Variants in SYT7 observed in about 807,000 individuals in gnomAD.
SYT7 encodes synaptotagmin-7.
Under a neutral mutation model 75.1 loss-of-function variants are expected in SYT7, and 29 were observed. The ratio of observed to expected loss-of-function variants is 0.39; its 90% CI spans 0.29 to 0.53. The LOEUF is 0.53. Ranked by LOEUF, SYT7 falls within the 20% of genes least tolerant of loss-of-function variation. The pLI, the probability that SYT7 is intolerant of heterozygous loss-of-function variation, is 0.77. For missense variants in SYT7, 693 were observed against 953.2 expected, an observed-to-expected ratio of 0.73 and a Z score of 3.59; for synonymous variants, 376 against 401.7, an observed-to-expected ratio of 0.94 and a Z score of 0.76.
In SYT7 at chr11:61,556,221, G is replaced by A. The variant is rs369652880; in HGVS notation, c.32-14C>T. ...GCGAGGGCGCCCCTGGGGAGGACAGGTACAGGTCACACCCTCATTGGCCAG... is the reference window on the plus strand; with the variant it reads ...GCGAGGGCGCCCCTGGGGAGGACAGATACAGGTCACACCCTCATTGGCCAG... On this transcript the variant is annotated splice_polypyrimidine_tract_variant and intron_variant, in intron 1 of 12. Transcript: ENST00000539008. 13 of 1,607,750 alleles carry A rather than the reference G, an allele frequency of 8.1e-6. No individual in the cohort carries two copies. The highest frequency in any genetic ancestry group is 5.0e-5 in the Admixed American group (3 of 59,472).
intron 6 of SYT7, chr11:61,541,373 G>A (rs1457996790): frequency 3.3e-6 from 3 of 911,720 alleles, no homozygotes; most frequent in Non-Finnish European, 3.9e-6. Flanking sequence ...CTTAGGCTCT[G>A]AGAGTGGGGG....
intron 1 of SYT7, among the ~76,000 whole-genome samples, chr11:61,566,526 G>A (rs117145549): frequency 3.3e-3 from 496 of 152,290 alleles, no homozygotes; most frequent in Middle Eastern, 6.8e-3. Context: ...AGTTAGCTCG[G>A]AACCTGACAC....
upstream of SYT7, among the ~76,000 whole-genome samples, chr11:61,584,256 G>A (rs190253970): frequency 5.9e-5 from 9 of 151,906 alleles, no homozygotes; most frequent in African/African-American, 1.4e-4. Context: ...TTAGCCGGGC[G>A]TGGTGGCATG....
chr11:61,517,271 A>AG lies in SYT7; in HGVS notation c.*1355dup. On this transcript the variant is annotated 3_prime_UTR_variant, in exon 13 of 13. Transcript: ENST00000539008. The stretch of plus-strand genomic sequence containing the variant: ...CCGTCTCCAAGGGGAAGCCAGTTTT[A>AG]GTCTCATCAGTGGCCGAGGCAGAGA... The AG allele has an allele frequency of 5.0e-6, 2 of 398,710 alleles. No individual in the cohort carries two copies. Among genetic ancestry groups the AG allele is most frequent in the Non-Finnish European group, 8.8e-6 (2 of 226,096 alleles). The allele number at this position is 398,710 out of a possible 1,614,324, so 24.7% of individuals were successfully genotyped here.
chr11:61,545,656 T>G (rs1044908192), intron 5 of SYT7, among the ~76,000 whole-genome samples: 1 of 152,022 alleles, frequency 6.6e-6, no homozygotes, highest in Admixed American at 6.5e-5. Context: ...CAGGATGAGA[T>G]GGAACAACCA....
At chr11:61,534,977 T>G (rs995824103) in intron 7 of SYT7, among the ~76,000 whole-genome samples, 5 of 152,178 alleles carry the variant, frequency 3.3e-5, no homozygotes, top group African/African-American at 4.8e-5. Flanking sequence ...TGAGATTGAC[T>G]GCTGAAGATA....
intron 9 of SYT7, among the ~76,000 whole-genome samples, chr11:61,525,382 T>C (rs2062482794): frequency 6.6e-6 from 1 of 152,256 alleles, no homozygotes; most frequent in Admixed American, 6.5e-5. Context: ...GCTTGGCTTG[T>C]GACCTCTCTT....
At chr11:61,525,311 A>C (rs774740087) in intron 9 of SYT7, among the ~76,000 whole-genome samples, 11 of 152,174 alleles carry the variant, frequency 7.2e-5, no homozygotes, top group Non-Finnish European at 1.5e-4. Context: ...TTAGAATAAA[A>C]GCCGGGCACC....
chr11:61,522,151 G>T (rs1157843461), intron 12 of SYT7, among the ~76,000 whole-genome samples: 1 of 149,390 alleles, frequency 6.7e-6, no homozygotes, highest in Non-Finnish European at 1.5e-5. Flanking sequence ...TCAAGGTCAG[G>T]TATGAATTTT....
intron 7 of SYT7, among the ~76,000 whole-genome samples, chr11:61,536,194 C>A (rs1008397113): frequency 4.6e-5 from 7 of 152,170 alleles, no homozygotes; most frequent in Admixed American, 2.0e-4. Context: ...GGGCACGCGG[C>A]CTCCACCCCC....
At chr11:61,550,438 A>G (rs1387329938) in intron 3 of SYT7, among the ~76,000 whole-genome samples, 1 of 149,376 alleles carries the variant, frequency 6.7e-6, no homozygotes, top group Non-Finnish European at 1.5e-5. Context: ...GGCAGGGGCC[A>G]GAGGGCAGGG....
Position 61,523,241 on chromosome 11 carries a change from T to A in SYT7, c.1790A>T (p.Asp597Val). 6.2e-7 allele frequency: 1 copy of A among 1,614,148 alleles called. No homozygotes were observed. The highest frequency in any genetic ancestry group is 8.5e-7 in the Non-Finnish European group (1 of 1,180,034). The change falls in exon 12 of 13, where the codon GAC becomes GTC. Residue 597 changes from aspartate to valine, a missense_variant. Asp to Val is a radical substitution (Grantham distance 152). Around this residue, in one of 2 missense-constraint regions of SYT7, gnomAD observed 206 missense variants for 360.0 expected, o/e 0.57. Coordinates refer to ENST00000539008, the MANE Select transcript of SYT7 (RefSeq NM_001365809.2). This position sits in a 1 kb window ranked among gnomAD's most constrained non-coding sequence, Gnocchi z 5.0. ...CGTCTTCTTCTTCTCCACCCGCTTGTCCTTGTACATCAGCCATACCTTCAC... is the reference window on the plus strand; with the variant it reads ...CGTCTTCTTCTTCTCCACCCGCTTGACCTTGTACATCAGCCATACCTTCAC... ...PYVKVWLMYK[D>V]KRVEKKKTVT...
In SYT7 at chr11:61,514,485, G is replaced by A. The variant is rs1044853350; in HGVS notation, c.*4142C>T. Among the ~76,000 whole-genome samples, 3 of 152,232 alleles carry A rather than the reference G, an allele frequency of 2.0e-5. No homozygotes were observed. Among genetic ancestry groups the A allele is most frequent in the African/African-American group, 7.2e-5 (3 of 41,454 alleles). On this transcript the variant is annotated 3_prime_UTR_variant, in exon 13 of 13. Transcript: ENST00000539008. ...TGGTGGGGGCAGGGGCCAGCAGGTG[G>A]ACACATGACAATGGGGATGTGCTCG...
In SYT7 at chr11:61,580,933, G is replaced by A; in HGVS notation, c.-113C>T. On this transcript the variant is annotated 5_prime_UTR_variant, in exon 1 of 13. Transcript: ENST00000539008. The surrounding 1 kb of genome is among the most constrained non-coding windows in gnomAD (Gnocchi z 6.1). ...GGCGACCCCCGGGGGCGGGTCCGAG[G>A]GCGGGGGCCGAGCGGGCTGCACCTA... 1 of 1,022,560 alleles carries A rather than the reference G, an allele frequency of 9.8e-7. No individual in the cohort carries two copies. Among genetic ancestry groups the A allele is most frequent in the Non-Finnish European group, 1.2e-6 (1 of 855,138 alleles). The allele number at this position is 1,022,560 out of a possible 1,614,324, so 63.3% of individuals were successfully genotyped here.
At position 61,551,339 on chromosome 11, in the gene SYT7, G is replaced by T. The variant is rs1222518881; in HGVS notation, c.215+45C>A. On this transcript the variant is annotated intron_variant, in intron 3 of 12. Coordinates refer to ENST00000539008, the MANE Select transcript of SYT7 (RefSeq NM_001365809.2). This position sits in a 1 kb window ranked among gnomAD's most constrained non-coding sequence, Gnocchi z 5.3. The stretch of plus-strand genomic sequence containing the variant: ...GGAGAGAAGGGGCTCCTCCCACCTG[G>T]GCTGCTTGTGTGGCCCCATCCCAAA... 1 of 1,587,978 alleles carries T rather than the reference G, an allele frequency of 6.3e-7. No homozygotes were observed. Among genetic ancestry groups the T allele is most frequent in the Non-Finnish European group, 8.6e-7 (1 of 1,158,160 alleles).
Position 61,524,482 on chromosome 11 carries a change from C to G in SYT7, c.1522G>C (p.Asp508His), listed in dbSNP as rs2062449916. ...TCGTTGCGGCTGAAGCGGTCATAGT[C>G]CAGGACTTGGAGGTAGAGGATCCTC... is the stretch of plus-strand genomic sequence containing the variant. Reference protein sequence around the residue: ...VQRILYLQVLDYDRFSRNDPI... With the variant: ...VQRILYLQVLHYDRFSRNDPI... The change falls in exon 10 of 13, where the codon GAC becomes CAC. Residue 508 changes from aspartate (D) to histidine (H), a missense_variant. This residue lies in a region of SYT7 where 206 missense variants were observed against 360.0 expected (regional missense o/e 0.57). Coordinates refer to ENST00000539008, the MANE Select transcript of SYT7 (RefSeq NM_001365809.2). The surrounding 1 kb of genome is among the most constrained non-coding windows in gnomAD (Gnocchi z 4.1). The G allele has an allele frequency of 6.2e-7, 1 of 1,611,840 alleles. No homozygotes were observed. Among genetic ancestry groups the G allele is most frequent in the African/African-American group, 1.3e-5 (1 of 74,904 alleles).
chr11:61,547,706 GAGA>G (rs1440692552), intron 3 of SYT7, among the ~76,000 whole-genome samples: 3 of 152,186 alleles, frequency 2.0e-5, no homozygotes, highest in Non-Finnish European at 2.9e-5. Flanking sequence ...GGGGGAGTGG[GAGA>G]AGGAGAGTGC....
intron 9 of SYT7, among the ~76,000 whole-genome samples, chr11:61,527,408 C>T (rs138060889): frequency 6.1e-4 from 93 of 152,292 alleles, no homozygotes; most frequent in African/African-American, 2.2e-3. Flanking sequence ...GGTCACGCAG[C>T]GAGTAAGTGG....
chr11:61,550,476 G>T (rs527476359), intron 3 of SYT7, among the ~76,000 whole-genome samples: 6 of 152,286 alleles, frequency 3.9e-5, no homozygotes, highest in African/African-American at 1.4e-4. Flanking sequence ...TCAGAGGGAG[G>T]AAGAGTGGAG....
Sources: gnomAD v4.1 joint callset for allele counts (sites outside exome capture counted in the v4.1 genomes callset) on GRCh38, gnomAD v4.1.1 for gene constraint, gnomAD v4.1.1 regional missense constraint, Gnocchi (gnomAD v3.1) non-coding constraint, MANE v1.5 for transcripts, NCBI Gene and HGNC (gene_info 2026-07-23, HGNC 2026-07-21) for gene names.